The following EDEM3 variants were observed in gnomAD, a reference collection of about 807,000 sequenced individuals.
EDEM3 encodes ER degradation-enhancing alpha-mannosidase-like protein 3.
EDEM3 carries 60 observed loss-of-function variants against 110.2 expected under a neutral mutation model. That is an observed-to-expected ratio of 0.54 (90% confidence interval 0.44 to 0.67). The LOEUF (loss-of-function observed/expected upper bound fraction) is 0.67. Among genes scored for constraint, EDEM3 ranks in the 30% least tolerant of loss-of-function variants. The pLI is 0.00. For synonymous variants in EDEM3, 352 were observed against 382.9 expected (o/e 0.92, Z 0.94); for missense variants, 996 against 1,121.0 (o/e 0.89, Z 1.59).
At chr1:184,699,676 T>G (rs140983422) in intron 19 of EDEM3, among the ~76,000 whole-genome samples, 1 of 151,802 alleles carries the variant, frequency 6.6e-6, no homozygotes, top group East Asian at 1.9e-4. Context: ...CTGCCTGACT[T>G]AAATCAGAGC....
chr1:184,723,943 C>T lies in EDEM3; in HGVS notation c.748-87G>A, dbSNP rs1243327931. 18 of 925,706 alleles carry T rather than the reference C, an allele frequency of 1.9e-5. No homozygotes were observed. In the East Asian group the frequency reaches 4.0e-4, roughly 20 times the overall value. 57.3% of individuals were successfully genotyped at this position (925,706 alleles called of 1,614,324 possible). A position where few individuals can be genotyped will look rare whatever the true frequency, so the allele number is the denominator to read the frequency against. ...GCAAATAGGAAACTAACAAACAAAA[C>T]TCAAAGGCCGATAGGATATTTTAAG... On this transcript the variant is annotated intron_variant, in intron 7 of 19. Transcript: ENST00000318130.
At chr1:184,747,334 CCTA>C (rs1652487665) in intron 2 of EDEM3, among the ~76,000 whole-genome samples, 1 of 152,116 alleles carries the variant, frequency 6.6e-6, no homozygotes, top group South Asian at 2.1e-4. Flanking sequence ...ACACTTTTAC[CCTA>C]CAGAAAGCTA....
rs575141519 is a variant in EDEM3 at position 184,698,822 on chromosome 1, A to C, written c.2389+3989T>G. On this transcript the variant is annotated intron_variant, in intron 19 of 19. Coordinates refer to ENST00000318130, the MANE Select transcript of EDEM3 (RefSeq NM_025191.4). ...AGAGAGACAGAGAGAAGAACTTTGA[A>C]GAAGATGCCCATGGAAGAAAATATT... 2.6e-5 allele frequency among the ~76,000 whole-genome samples: 4 copies of C among 151,906 alleles called. No individual in the cohort carries two copies. In the East Asian group the frequency reaches 7.7e-4, roughly 29 times the overall value.
At chr1:184,726,130 T>C (rs991089091) in intron 7 of EDEM3, 125 bp downstream of exon 7, 1 of 1,305,418 alleles carries the variant, frequency 7.7e-7, no homozygotes, top group African/African-American at 1.5e-5. Context: ...TAAAGGAATT[T>C]AGACAAAAAG....
rs146831384 is a variant in EDEM3, at chr1:184,707,619, A to G, written c.2037+534T>C. On this transcript the variant is annotated intron_variant, in intron 17 of 19. Coordinates refer to ENST00000318130, the MANE Select transcript of EDEM3 (RefSeq NM_025191.4). ...CTTGGGCTCTGGTCCCAGCTCTGCA[A>G]TCAATTAGTTAGATAACTTTGTGAA... Among the ~76,000 whole-genome samples the G allele has an allele frequency of 1.2e-3, 177 of 152,346 alleles. 1 individual carries two copies. The highest frequency in any genetic ancestry group is 3.4e-3 in the Middle Eastern group (1 of 294).
intron 17 of EDEM3, 69 bp downstream of exon 17, chr1:184,708,084 G>T: frequency 7.6e-7 from 1 of 1,317,526 alleles, no homozygotes; most frequent in Non-Finnish European, 1.0e-6. Flanking sequence ...TTAGAGAAGA[G>T]ACTAAGAAAT....
Position 184,692,566 on chromosome 1 carries a change from C to T in EDEM3, c.*1497G>A, listed in dbSNP as rs1451711567. 2 of 151,982 alleles carry T rather than the reference C, an allele frequency of 1.3e-5. No homozygotes were observed. Among genetic ancestry groups the T allele is most frequent in the Non-Finnish European group, 2.9e-5 (2 of 67,958 alleles). The allele number at this position is 151,982 out of a possible 1,614,324, so 9.4% of individuals were successfully genotyped here. On this transcript the variant is annotated 3_prime_UTR_variant, in exon 20 of 20. Transcript: ENST00000318130. ...TTACACCTCATCAGTACCTCACAACCGTGTTTTAGGAAAAAGTTTTGTGTA... is the reference window on the plus strand; with the variant it reads ...TTACACCTCATCAGTACCTCACAACTGTGTTTTAGGAAAAAGTTTTGTGTA...
rs143125875 is a variant in EDEM3, at chr1:184,695,392, G to A, written c.2390-920C>T. On this transcript the variant is annotated intron_variant, in intron 19 of 19. Coordinates refer to ENST00000318130, the MANE Select transcript of EDEM3 (RefSeq NM_025191.4). ...TACAAATAATCACGGAAAATAAATA[G>A]AAAACTCAACTGTGACACGTTATGA... Among the ~76,000 whole-genome samples, 435 of 152,038 alleles carry A rather than the reference G, an allele frequency of 2.9e-3. 5 individuals are homozygous for A. In the East Asian group the frequency reaches 0.036, roughly 13 times the overall value.
At chr1:184,716,037 G>A (rs543692284) in intron 13 of EDEM3, among the ~76,000 whole-genome samples, 20 of 152,166 alleles carry the variant, frequency 1.3e-4, no homozygotes, top group Non-Finnish European at 2.4e-4. Flanking sequence ...TATCCTTCAG[G>A]ACATAGGAGC....
intron 9 of EDEM3, among the ~76,000 whole-genome samples, chr1:184,719,857 C>T (rs1002471999): frequency 1.2e-4 from 19 of 152,192 alleles, no homozygotes; most frequent in African/African-American, 3.6e-4. Context: ...GGCGTTAGCC[C>T]GTGGTTGGTA....
intron 8 of EDEM3, among the ~76,000 whole-genome samples, chr1:184,722,684 GTAA>G (rs1359758253): frequency 6.6e-6 from 1 of 151,662 alleles, no homozygotes; most frequent in African/African-American, 2.4e-5. Flanking sequence ...CTGAATAAAG[GTAA>G]TAATTTTAAT....
At chr1:184,728,380 T>G (rs1651306458) in intron 6 of EDEM3, among the ~76,000 whole-genome samples, 1 of 152,188 alleles carries the variant, frequency 6.6e-6, no homozygotes, top group African/African-American at 2.4e-5. Context: ...TAGAAAAGAA[T>G]AAACATCTCT....
At chr1:184,750,518 C>CTTTTTTT (rs376949251) in intron 1 of EDEM3, among the ~76,000 whole-genome samples, 44,748 of 145,870 alleles carry the variant, frequency 0.31, 7,914 homozygotes, top group East Asian at 0.53. Context: ...TTAACTTTTT[C>CTTTTTTT]TTTTTTTTTT....
chr1:184,754,497 C>T lies in EDEM3; in HGVS notation c.150G>A (p.Gln50=), dbSNP rs114599026. 326 of 1,613,292 alleles carry T rather than the reference C, an allele frequency of 2.0e-4. No homozygotes were observed. The African/African-American group carries it at 3.8e-3, about 19-fold the overall frequency. Residue 50 remains glutamine, a synonymous_variant, in exon 1 of 20, where the codon CAG becomes CAA. Transcript: ENST00000318130. ...GAEPMSREEK[Q]KLGNQVLEMF... ...GCTGCCAGCACCCTTACCCAAGCTT[C>T]TGTTTCTCCTCCCTACTCATGGGCT...
intron 8 of EDEM3, among the ~76,000 whole-genome samples, chr1:184,721,917 T>C (rs1405593786): frequency 1.3e-5 from 2 of 151,832 alleles, no homozygotes; most frequent in African/African-American, 4.8e-5. Context: ...AAAATGAAGA[T>C]GGTACAATGC....
rs1169527497 is a variant in EDEM3, at chr1:184,712,426, AACTC to A, written c.1536+3_1536+6del. 4 of 1,579,960 alleles carry A rather than the reference AACTC, an allele frequency of 2.5e-6. No homozygotes were observed. The highest frequency in any genetic ancestry group is 4.1e-5 in the Admixed American group (2 of 48,764). On this transcript the variant is annotated splice_donor_5th_base_variant and intron_variant, in intron 14 of 19. Coordinates refer to ENST00000318130, the MANE Select transcript of EDEM3 (RefSeq NM_025191.4). ...AAGAGAATAAGACATTTCATTTAAA[AACTC>A]ACTGTGTTCTTTTTAGAGATGCTTT...
At position 184,721,277 on chromosome 1, in the gene EDEM3, G is replaced by T. The variant is rs566082358; in HGVS notation, c.951+12C>A. ...GAAGTTGATTATAAAATATAAAATT[G>T]TATCAACTTACTGTGTTAAATCTTT... On this transcript the variant is annotated intron_variant, in intron 9 of 19. Transcript: ENST00000318130. 3.2e-6 allele frequency: 5 copies of T among 1,575,214 alleles called. No homozygotes were observed. The highest frequency in any genetic ancestry group is 2.3e-5 in the East Asian group (1 of 43,918).
chr1:184,721,116 G>A (rs1013202998), intron 9 of EDEM3, 173 bp downstream of exon 9: 1 of 507,852 alleles, frequency 2.0e-6, no homozygotes, highest in Non-Finnish European at 3.4e-6. Flanking sequence ...TGATTTTTTG[G>A]AATGTATATC....
At chr1:184,722,710 A>C (rs1487599882) in intron 8 of EDEM3, among the ~76,000 whole-genome samples, 2 of 151,760 alleles carry the variant, frequency 1.3e-5, no homozygotes, top group African/African-American at 2.4e-5. Flanking sequence ...GTTTGAATTA[A>C]TAATTTTATA....
Sources: allele counts gnomAD v4.1 joint callset (sites outside exome capture counted in the v4.1 genomes callset), GRCh38; gene constraint gnomAD v4.1.1; transcripts MANE v1.5; gene names NCBI Gene and HGNC (gene_info 2026-07-23, HGNC 2026-07-21).